Variants in PRELID2 observed in about 807,000 individuals in gnomAD.
PRELID2 encodes the protein PRELI domain-containing protein 2.
Under a neutral mutation model 28.4 loss-of-function variants are expected in PRELID2, and 25 were observed. That is an observed-to-expected ratio of 0.88 (90% confidence interval 0.64 to 1.23). The LOEUF (loss-of-function observed/expected upper bound fraction) is 1.23. Ranked by LOEUF, PRELID2 falls within the 50% of genes most tolerant of loss-of-function variation. PRELID2 has a pLI of 0.00. For synonymous variants in PRELID2, 76 were observed against 71.6 expected (o/e 1.06, Z -0.31); for missense variants, 201 against 214.4 (o/e 0.94, Z 0.39).
intron 1 of PRELID2, among the ~76,000 whole-genome samples, chr5:145,600,574 T>C (rs1753382367): frequency 6.6e-6 from 1 of 151,804 alleles, no homozygotes; most frequent in Non-Finnish European, 1.5e-5. Flanking sequence ...TGATCACTGC[T>C]CAGTAGCACT....
the PRELID2 span, among the ~76,000 whole-genome samples, chr5:145,324,118 CG>C: frequency 6.6e-6 from 1 of 152,094 alleles, no homozygotes; most frequent in East Asian, 1.9e-4. Flanking sequence ...ACAAAGAATT[CG>C]GACTAATGGG....
chr5:145,610,170 C>T (rs536411185), intron 1 of PRELID2, among the ~76,000 whole-genome samples: 2 of 152,246 alleles, frequency 1.3e-5, no homozygotes, highest in East Asian at 3.9e-4. Flanking sequence ...GTGTGAATCC[C>T]CTGGGGGGCT....
chr5:145,787,031 T>A (rs1446324008), intron 5 of PRELID2, among the ~76,000 whole-genome samples: 1 of 152,168 alleles, frequency 6.6e-6, no homozygotes, highest in Non-Finnish European at 1.5e-5. Context: ...AGCCTCCTGA[T>A]CACAATAAGA....
At chr5:145,436,341 G>T in the PRELID2 span, among the ~76,000 whole-genome samples, 1 of 152,010 alleles carries the variant, frequency 6.6e-6, no homozygotes, top group Non-Finnish European at 1.5e-5. Context: ...TTGTTGATGG[G>T]CTTTTAGGTT....
the PRELID2 span, among the ~76,000 whole-genome samples, chr5:145,350,095 CAA>C: frequency 6.6e-6 from 1 of 152,076 alleles, no homozygotes; most frequent in Non-Finnish European, 1.5e-5. Context: ...TAATGCTGGA[CAA>C]ATTATTTAAA....
At chr5:145,418,670 G>C in the PRELID2 span, among the ~76,000 whole-genome samples, 1 of 152,146 alleles carries the variant, frequency 6.6e-6, no homozygotes, top group African/African-American at 2.4e-5. Flanking sequence ...AATGGTGCTG[G>C]GAGAACTGGT....
chr5:145,252,443 T>G, the PRELID2 span, among the ~76,000 whole-genome samples: 2 of 152,194 alleles, frequency 1.3e-5, no homozygotes, highest in African/African-American at 4.8e-5. Context: ...CTCTGTGGTT[T>G]GATTTTCTCA....
At chr5:145,624,505 T>C (rs1040858335) in intron 1 of PRELID2, among the ~76,000 whole-genome samples, 5 of 148,558 alleles carry the variant, frequency 3.4e-5, no homozygotes, top group Admixed American at 3.3e-4. Flanking sequence ...GATTTGGAAA[T>C]ATGTTCCAAG....
chr5:145,511,023 G>T (rs1752456081), intron 1 of PRELID2, among the ~76,000 whole-genome samples: 1 of 152,198 alleles, frequency 6.6e-6, no homozygotes, highest in South Asian at 2.1e-4. Flanking sequence ...GGTGTAAGAT[G>T]CAGCAAACAA....
intron 1 of PRELID2, among the ~76,000 whole-genome samples, chr5:145,552,510 G>A (rs760391162): frequency 6.6e-6 from 1 of 151,620 alleles, no homozygotes; most frequent in African/African-American, 2.4e-5. Context: ...TGTCTCCCCC[G>A]CCTCACCTTC....
intron 1 of PRELID2, among the ~76,000 whole-genome samples, chr5:145,481,650 A>AAAAAAAAAAAAAAAG (rs1752162758): frequency 8.5e-6 from 1 of 117,852 alleles, no homozygotes; most frequent in African/African-American, 3.3e-5. Flanking sequence ...AAAAAAAAAA[A>AAAAAAAAAAAAAAAG]AAAGAAAGAA....
At chr5:145,324,309 CA>C in the PRELID2 span, among the ~76,000 whole-genome samples, 1 of 152,162 alleles carries the variant, frequency 6.6e-6, no homozygotes, top group African/African-American at 2.4e-5. Flanking sequence ...AAGACATGTC[CA>C]AAAATGCAGA....
At chr5:145,731,491 G>T (rs575179861) in intron 1 of PRELID2, among the ~76,000 whole-genome samples, 1 of 152,306 alleles carries the variant, frequency 6.6e-6, no homozygotes, top group East Asian at 1.9e-4. Context: ...CACTGGATTT[G>T]GAGCCAAACA....
chr5:145,287,402 T>C, the PRELID2 span, among the ~76,000 whole-genome samples: 1 of 152,196 alleles, frequency 6.6e-6, no homozygotes, highest in Non-Finnish European at 1.5e-5. Flanking sequence ...TCTTGTGATC[T>C]GTTGATCTGA....
chr5:145,775,383 T>G (rs1203755461), intron 5 of PRELID2, among the ~76,000 whole-genome samples: 1 of 152,256 alleles, frequency 6.6e-6, no homozygotes, highest in Non-Finnish European at 1.5e-5. Context: ...CTTCGGCACA[T>G]TCCTTCCTAC....
rs186963065 is a variant in PRELID2 at position 145,672,013 on chromosome 5, G to C, written n.70+92918C>G. ...ACTTTATTTTCAAACGCCTTGAATG[G>C]AATACCAATGAGCTCGGACATACTC... is the stretch of plus-strand genomic sequence containing the variant. On this transcript the variant is annotated intron_variant and non_coding_transcript_variant, in intron 1 of 2. Transcript: ENST00000510259. Among the ~76,000 whole-genome samples the C allele has an allele frequency of 2.0e-5, 3 of 152,212 alleles. No homozygotes were observed. The East Asian group carries it at 5.8e-4, about 29-fold the overall frequency.
chr5:145,594,301 T>G (rs1485131480), intron 1 of PRELID2, among the ~76,000 whole-genome samples: 1 of 152,334 alleles, frequency 6.6e-6, no homozygotes, highest in East Asian at 1.9e-4. Context: ...TCTTTTATCA[T>G]TTGTGCCAAC....
At chr5:145,257,068 A>G in the PRELID2 span, among the ~76,000 whole-genome samples, 4 of 151,984 alleles carry the variant, frequency 2.6e-5, no homozygotes, top group Admixed American at 2.6e-4. Context: ...TAAAGCATGA[A>G]TATTTCAGTA....
intron 1 of PRELID2, among the ~76,000 whole-genome samples, chr5:145,524,820 G>C (rs1054901627): frequency 2.6e-5 from 4 of 152,190 alleles, no homozygotes; most frequent in African/African-American, 9.7e-5. Context: ...TGTGGAACAA[G>C]GTGGCTGTGA....
Sources: gnomAD v4.1 joint callset for allele counts (sites outside exome capture counted in the v4.1 genomes callset) on GRCh38, gnomAD v4.1.1 for gene constraint, MANE v1.5 for transcripts, NCBI Gene and HGNC (gene_info 2026-07-23, HGNC 2026-07-21) for gene names.